The following MCF2 variants were observed in gnomAD, a reference collection of about 807,000 sequenced individuals.
MCF2 encodes MCF.2 cell line derived transforming sequence.
MCF2 carries 44 observed loss-of-function variants against 82.5 expected under a neutral mutation model. That is an observed-to-expected ratio of 0.53 (90% confidence interval 0.42 to 0.69). MCF2 has a LOEUF of 0.69. Among genes scored for constraint, MCF2 ranks in the 30% least tolerant of loss-of-function variants. The pLI is 0.00. For missense variants in MCF2, 623 were observed against 663.1 expected, an observed-to-expected ratio of 0.94 and a Z score of 0.66; for synonymous variants, 217 against 224.9, an observed-to-expected ratio of 0.96 and a Z score of 0.32.
rs554529323 is a variant in MCF2 at position 139,686,891 on chromosome X, G to T, written c.-45+21215C>A. The stretch of plus-strand genomic sequence containing the variant: ...TCCTATTCTCTACACAGCATCCAGA[G>T]GGATTCTGTTAACACAGAAGTGACT... On this transcript the variant is annotated intron_variant, in intron 1 of 27. Coordinates refer to the MCF2 transcript ENST00000414978. Among the ~76,000 whole-genome samples, 5 of 111,594 alleles carry T rather than the reference G, an allele frequency of 4.5e-5. No homozygotes were observed. The South Asian group carries it at 1.9e-3, about 42-fold the overall frequency.
At chrX:139,586,184 C>T (rs1370519186) in intron 23 of MCF2, among the ~76,000 whole-genome samples, 194 bp downstream of exon 27, 1 of 111,588 alleles carries the variant, frequency 9.0e-6, no homozygotes, top group Non-Finnish European at 1.9e-5. Flanking sequence ...GTCCAGGGAC[C>T]ACACTTTGAC....
chrX:139,600,653 C>A (rs1316033337), intron 16 of MCF2, among the ~76,000 whole-genome samples: 1 of 111,747 alleles, frequency 8.9e-6, no homozygotes, highest in Non-Finnish European at 1.9e-5. Context: ...TAGAAATGCT[C>A]TAAAGATACA....
chrX:139,636,026 G>A (rs1933194248), intron 1 of MCF2, among the ~76,000 whole-genome samples: 1 of 111,275 alleles, frequency 9.0e-6, no homozygotes, highest in African/African-American at 3.3e-5. Context: ...ATTAAAAAGT[G>A]GGCCAAGGAC....
At position 139,691,557 on chromosome X, in the gene MCF2, T is replaced by C. The variant is rs182109234; in HGVS notation, c.-45+16549A>G. On this transcript the variant is annotated intron_variant, in intron 1 of 27. Coordinates refer to the MCF2 transcript ENST00000414978. ...AGCAATGGCAGAGACAGTTTCATAC[T>C]GCTTCCTGCACTTTCCCACGGTCCT... 1.5e-3 allele frequency among the ~76,000 whole-genome samples: 163 copies of C among 110,473 alleles called. 2 individuals are homozygous for C. The highest frequency in any genetic ancestry group is 9.3e-3 in the Middle Eastern group (2 of 214).
At chrX:139,626,978 T>A (rs757313109) in intron 4 of MCF2, among the ~76,000 whole-genome samples, 10 of 112,266 alleles carry the variant, frequency 8.9e-5, no homozygotes, top group African/African-American at 2.9e-4. Context: ...GAGATGGACG[T>A]TGCAATTAAT....
At chrX:139,626,485 T>A in intron 5 of MCF2, 138 bp downstream of exon 8, 1 of 699,348 alleles carries the variant, frequency 1.4e-6, no homozygotes, top group Admixed American at 3.0e-5. Context: ...ATCATCTCTG[T>A]AGGACAACCT....
chrX:139,582,950 T>C (rs746160413), intron 24 of MCF2, among the ~76,000 whole-genome samples: 135 of 112,003 alleles, frequency 1.2e-3, no homozygotes, highest in Middle Eastern at 4.6e-3. Flanking sequence ...CTTTTTATTA[T>C]TAGTCTAAGC....
At chrX:139,630,851 G>A (rs1250754606) in intron 3 of MCF2, among the ~76,000 whole-genome samples, 1 of 112,030 alleles carries the variant, frequency 8.9e-6, no homozygotes, top group Non-Finnish European at 1.9e-5. Context: ...AAATGCCTCA[G>A]AAGCATCACT....
chrX:139,685,268 C>T (rs763885281), intron 1 of MCF2, among the ~76,000 whole-genome samples: 3 of 110,920 alleles, frequency 2.7e-5, no homozygotes, highest in African/African-American at 9.8e-5. Context: ...CTCATATTGT[C>T]TTATGCCCAA....
At position 139,676,732 on chromosome X, in the gene MCF2, T is replaced by C. The variant is rs141780517; in HGVS notation, c.-44-24944A>G. Among the ~76,000 whole-genome samples the C allele has an allele frequency of 9.8e-3, 1,100 of 112,322 alleles. 12 individuals carry two copies. Among genetic ancestry groups the C allele is most frequent in the African/African-American group, 0.033 (1,034 of 30,907 alleles). Reference sequence around the variant, plus strand: ...AGCACTTACCTTAGTGTATAGTAAGTGCTCGATAAATGTCGGCCATTGTTA... The same window carrying C: ...AGCACTTACCTTAGTGTATAGTAAGCGCTCGATAAATGTCGGCCATTGTTA... On this transcript the variant is annotated intron_variant, in intron 1 of 27. Transcript: ENST00000414978.
At chrX:139,611,802 A>C (rs1931515554) in intron 10 of MCF2, among the ~76,000 whole-genome samples, 1 of 111,257 alleles carries the variant, frequency 9.0e-6, no homozygotes, top group Non-Finnish European at 1.9e-5. Context: ...ACAGGGGTGC[A>C]GGGAAGGAGG....
rs1929187363 is a variant in MCF2, at chrX:139,588,529, A to G, written c.2371-91T>C. The G allele has an allele frequency of 1.1e-5, 6 of 548,677 alleles. No homozygotes were observed. The South Asian group carries it at 1.6e-4, about 14-fold the overall frequency. 45.2% of individuals were successfully genotyped at this position (548,677 alleles called of 1,213,427 possible). ...ATAAAACAAATGTAATTGTGTACAT[A>G]AAATATGATCTACTCCCTATAACAC... is the stretch of plus-strand genomic sequence containing the variant. On this transcript the variant is annotated intron_variant, in intron 20 of 24. Coordinates refer to ENST00000370576, the Ensembl canonical transcript of MCF2.
upstream of MCF2, among the ~76,000 whole-genome samples, chrX:139,647,411 T>C (rs887837937): frequency 1.1e-4 from 12 of 112,050 alleles, no homozygotes; most frequent in East Asian, 3.4e-3. Flanking sequence ...ATGGCAGGAA[T>C]GACATAGGAA....
At chrX:139,645,898 T>C (rs1603299269), upstream of MCF2, among the ~76,000 whole-genome samples, 1 of 111,518 alleles carries the variant, frequency 9.0e-6, no homozygotes, top group South Asian at 3.8e-4. Context: ...AGGAAAGTGA[T>C]AGTGTAATGA....
chrX:139,590,842 C>T (rs1223974755), intron 19 of MCF2, among the ~76,000 whole-genome samples: 1 of 110,043 alleles, frequency 9.1e-6, no homozygotes, highest in Non-Finnish European at 1.9e-5. Flanking sequence ...ATCGCCATAC[C>T]AAGGAGAAGA....
chrX:139,588,345 C>A lies in MCF2; in HGVS notation c.2449+15G>T. ...ACTATACTTCTTGTTCTGAAGAATG[C>A]AGGCTTGAATTTACCTGTCAAAAGT... On this transcript the variant is annotated intron_variant, in intron 21 of 24. Coordinates refer to ENST00000370576, the Ensembl canonical transcript of MCF2. 1 of 1,180,305 alleles carries A rather than the reference C, an allele frequency of 8.5e-7. No homozygotes were observed. The highest frequency in any genetic ancestry group is 1.1e-6 in the Non-Finnish European group (1 of 870,161).
At chrX:139,680,305 A>G (rs1934969589) in intron 1 of MCF2, among the ~76,000 whole-genome samples, 1 of 111,572 alleles carries the variant, frequency 9.0e-6, no homozygotes, top group Non-Finnish European at 1.9e-5. Flanking sequence ...GTGGGTTTTT[A>G]AAAAATTTTT....
chrX:139,681,339 G>A (rs997742394), intron 1 of MCF2, among the ~76,000 whole-genome samples: 28 of 111,167 alleles, frequency 2.5e-4, no homozygotes, highest in African/African-American at 8.8e-4. Flanking sequence ...ATTTATGAAA[G>A]GGCAGCTCAA....
chrX:139,586,407 A>G, exon 23 of MCF2: 1 of 1,209,260 alleles, frequency 8.3e-7, no homozygotes. Flanking sequence ...AACTGACGCA[A>G]TTGCCTCACA....
Sources: gnomAD v4.1 joint callset for allele counts (sites outside exome capture counted in the v4.1 genomes callset) on GRCh38, gnomAD v4.1.1 for gene constraint, MANE v1.5 for transcripts, NCBI Gene and HGNC (gene_info 2026-07-23, HGNC 2026-07-21) for gene names.